NSUN4: variants seen among roughly 807,000 people sequenced by gnomAD.
NSUN4 encodes NOP2/Sun RNA methyltransferase 4.
A neutral mutation model predicts 43.8 loss-of-function variants in NSUN4; 31 were observed. The observed-to-expected ratio is 0.71, with a 90% CI of 0.53 to 0.96. The LOEUF (loss-of-function observed/expected upper bound fraction) is 0.96, where lower values mean the gene tolerates loss of function less well. Among genes scored for constraint, NSUN4 ranks in the 40% least tolerant of loss-of-function variants. NSUN4 has a pLI of 0.00. For missense variants in NSUN4, 439 were observed against 475.6 expected (o/e 0.92, Z 0.72); for synonymous variants, 167 against 184.1 (o/e 0.91, Z 0.75).
At chr1:46,375,970 G>C in the NSUN4 span, among the ~76,000 whole-genome samples, 26 of 151,348 alleles carry the variant, frequency 1.7e-4, no homozygotes, top group Non-Finnish European at 2.9e-4. Context: ...GCCGGGGGTG[G>C]TGGCACATGC....
the NSUN4 span, among the ~76,000 whole-genome samples, chr1:46,376,322 A>G: frequency 6.6e-6 from 1 of 151,772 alleles, no homozygotes; most frequent in Non-Finnish European, 1.5e-5. Flanking sequence ...AGGCAGGGGA[A>G]TTGCTTGAAC....
chr1:46,365,759 C>T (rs552030309), downstream of NSUN4, among the ~76,000 whole-genome samples: 87 of 152,268 alleles, frequency 5.7e-4, 1 homozygote, highest in Non-Finnish European at 4.7e-4. Flanking sequence ...CCATTTTGCA[C>T]GGCCATCAGC....
intron 5 of NSUN4, 40 bp from the exon 6 acceptor site, chr1:46,361,530 A>T: frequency 6.3e-7 from 1 of 1,589,872 alleles, no homozygotes. Flanking sequence ...TACTGCTGGG[A>T]AGCTCACTAG....
At chr1:46,359,570 A>G (rs1283868454) in intron 4 of NSUN4, among the ~76,000 whole-genome samples, 4 of 105,646 alleles carry the variant, frequency 3.8e-5, no homozygotes, top group Non-Finnish European at 3.8e-5. Flanking sequence ...TTTTTTTTTG[A>G]GATGGCGTCT....
At chr1:46,367,220 A>T (rs1186386617), downstream of NSUN4, among the ~76,000 whole-genome samples, 1 of 152,102 alleles carries the variant, frequency 6.6e-6, no homozygotes, top group East Asian at 1.9e-4. Context: ...TCCCATCTGC[A>T]TTCTTCATCT....
At chr1:46,347,343 C>T (rs1473686667) in intron 3 of NSUN4, among the ~76,000 whole-genome samples, 1 of 152,086 alleles carries the variant, frequency 6.6e-6, no homozygotes, top group African/African-American at 2.4e-5. Context: ...GAGGCTGAGG[C>T]AGGAGAATTG....
At chr1:46,374,289 C>CAAAAA in the NSUN4 span, among the ~76,000 whole-genome samples, 194 of 42,864 alleles carry the variant, frequency 4.5e-3, 8 homozygotes, top group Middle Eastern at 0.018. Flanking sequence ...TCTGTCTCAC[C>CAAAAA]AAAAAAAAAA....
At chr1:46,351,375 T>C (rs577920203) in intron 3 of NSUN4, among the ~76,000 whole-genome samples, 2 of 152,200 alleles carry the variant, frequency 1.3e-5, no homozygotes, top group Admixed American at 1.3e-4. Context: ...GGTTGAGAAA[T>C]GTAGTCTTTT....
the NSUN4 span, among the ~76,000 whole-genome samples, chr1:46,381,802 G>A: frequency 6.6e-6 from 1 of 152,180 alleles, no homozygotes; most frequent in African/African-American, 2.4e-5. Flanking sequence ...ATGGGGTGAG[G>A]TGACCTCATA....
chr1:46,343,409 C>A (rs1415765935), intron 1 of NSUN4: 5 of 399,582 alleles, frequency 1.3e-5, no homozygotes, highest in Non-Finnish European at 1.8e-5. Flanking sequence ...CCTCTCAAGG[C>A]CCTTGCAAAG....
the NSUN4 span, among the ~76,000 whole-genome samples, chr1:46,372,972 C>T: frequency 5.3e-5 from 8 of 152,150 alleles, no homozygotes; most frequent in South Asian, 2.1e-4. Context: ...CCGCCTGCCT[C>T]GGCCTCCCAA....
chr1:46,342,581 G>A (rs368232702), intron 1 of NSUN4: 4 of 399,154 alleles, frequency 1.0e-5, no homozygotes, highest in East Asian at 3.6e-5. Flanking sequence ...TCCTAACCCC[G>A]GACACCACAA....
intron 3 of NSUN4, among the ~76,000 whole-genome samples, chr1:46,350,848 T>C (rs1662923669): frequency 6.6e-6 from 1 of 152,114 alleles, no homozygotes; most frequent in African/African-American, 2.4e-5. Flanking sequence ...GGAGAAGATA[T>C]GTAACTAGTA....
At chr1:46,344,298 A>G (rs965981333) in intron 1 of NSUN4, 1 of 159,348 alleles carries the variant, frequency 6.3e-6, no homozygotes, top group African/African-American at 2.4e-5. Context: ...ACGCTAGGTA[A>G]GTTACCCACA....
At chr1:46,383,226 C>T in the NSUN4 span, among the ~76,000 whole-genome samples, 26 of 152,256 alleles carry the variant, frequency 1.7e-4, no homozygotes, top group African/African-American at 3.1e-4. Flanking sequence ...CCCGGTGTCC[C>T]GGGTTTGGGA....
At chr1:46,341,633 T>A in intron 1 of NSUN4, 6 of 1,161,348 alleles carry the variant, frequency 5.2e-6, no homozygotes, top group Non-Finnish European at 4.2e-6. Flanking sequence ...CCTCGCCACC[T>A]CCACCATCTC....
Position 46,340,907 on chromosome 1 carries a change from T to C in NSUN4, c.81T>C (p.Tyr27=), listed in dbSNP as rs41293279. The change falls in exon 1 of 6, where the codon TAT becomes TAC. Residue 27 remains tyrosine (Y), a synonymous_variant. Coordinates refer to ENST00000474844, the MANE Select transcript of NSUN4 (RefSeq NM_199044.4). ...DLATVPRRHR[Y]KKKWAATEPK... is the part of the protein sequence containing the mutation. ...CGACGGTCCCGCGGAGACATCGATA[T>C]AAGAAGAAATGGGTAAGGTCCGGCT... 9.0e-5 allele frequency: 145 copies of C among 1,613,200 alleles called. No homozygotes were observed. Among genetic ancestry groups the C allele is most frequent in the Admixed American group, 7.0e-4 (42 of 59,892 alleles).
chr1:46,340,984 T>C, intron 1 of NSUN4, 65 bp downstream of exon 1: 1 of 1,433,320 alleles, frequency 7.0e-7, no homozygotes, highest in East Asian at 2.5e-5. Context: ...TCTTTCCGTT[T>C]CCCGGCCCTC....
intron 3 of NSUN4, among the ~76,000 whole-genome samples, chr1:46,349,130 T>C (rs1662776192): frequency 7.3e-6 from 1 of 136,690 alleles, no homozygotes; most frequent in South Asian, 2.6e-4. Flanking sequence ...CTGTTTTTTT[T>C]GGTTTGTTTT....
Sources: gnomAD v4.1 joint callset for allele counts (sites outside exome capture counted in the v4.1 genomes callset) on GRCh38, gnomAD v4.1.1 for gene constraint, MANE v1.5 for transcripts, NCBI Gene and HGNC (gene_info 2026-07-23, HGNC 2026-07-21) for gene names.